ASTN2: variants seen among roughly 807,000 people sequenced by gnomAD.
The protein encoded by ASTN2 is astrotactin-2.
Under a neutral mutation model 139.8 loss-of-function variants are expected in ASTN2, and 54 were observed. The ratio of observed to expected loss-of-function variants is 0.39; its 90% CI spans 0.31 to 0.48. The LOEUF (loss-of-function observed/expected upper bound fraction) is 0.48, where lower values mean the gene tolerates loss of function less well. ASTN2 is among the 20% of genes least tolerant of loss of function. The pLI is 0.95. For synonymous variants in ASTN2, 756 were observed against 719.5 expected, an observed-to-expected ratio of 1.05 and a Z score of -0.81; for missense variants, 1,565 against 1,725.1, an observed-to-expected ratio of 0.91 and a Z score of 1.64.
chr9:116,470,893 G>C (rs544673335), intron 20 of ASTN2, among the ~76,000 whole-genome samples: 1 of 152,240 alleles, frequency 6.6e-6, no homozygotes, highest in Admixed American at 6.5e-5. Context: ...GCCTGCCATT[G>C]GTTACCTACA....
chr9:116,977,227 A>G (rs375481066), intron 7 of ASTN2, among the ~76,000 whole-genome samples: 38 of 152,358 alleles, frequency 2.5e-4, no homozygotes, highest in African/African-American at 7.5e-4. Context: ...CCATCCATAA[A>G]TCCCAAGTTA....
intron 19 of ASTN2, among the ~76,000 whole-genome samples, chr9:116,562,657 G>C (rs1352586512): frequency 2.0e-5 from 3 of 150,238 alleles, no homozygotes; most frequent in Admixed American, 2.0e-4. Context: ...CTTGAAACTG[G>C]GAGGCAGAGG....
rs1228462958 is a variant in ASTN2, at chr9:116,879,568, G to C, written c.1890-15835C>G. On this transcript the variant is annotated intron_variant, in intron 10 of 22. Transcript: ENST00000313400. ...AATACCGAATTCTTAGTTTTCATGA[G>C]AATTACATTAGATAATAAAACTTCC... is the stretch of plus-strand genomic sequence containing the variant. 5.3e-5 allele frequency among the ~76,000 whole-genome samples: 8 copies of C among 152,126 alleles called. No individual in the cohort carries two copies. The East Asian group carries it at 1.3e-3, about 26-fold the overall frequency.
At chr9:117,334,666 C>T (rs914699379) in intron 1 of ASTN2, among the ~76,000 whole-genome samples, 3 of 152,090 alleles carry the variant, frequency 2.0e-5, no homozygotes, top group Admixed American at 1.3e-4. Context: ...TCTTGGAATG[C>T]GTTTCCTAAG....
At chr9:116,434,554 T>C (rs924637678) in intron 22 of ASTN2, among the ~76,000 whole-genome samples, 7 of 152,226 alleles carry the variant, frequency 4.6e-5, no homozygotes, top group African/African-American at 1.4e-4. Flanking sequence ...GCTGACATCA[T>C]AAATACACCA....
At chr9:116,612,462 C>G (rs1391933161) in intron 19 of ASTN2, 1 of 152,064 alleles carries the variant, frequency 6.6e-6, no homozygotes, top group East Asian at 1.9e-4. Flanking sequence ...ATTGATCACA[C>G]AGTGGGAAGT....
At chr9:117,374,325 A>G (rs1221376361) in intron 1 of ASTN2, among the ~76,000 whole-genome samples, 1 of 150,102 alleles carries the variant, frequency 6.7e-6, no homozygotes, top group Admixed American at 6.7e-5. Context: ...ATTGGACACA[A>G]CCCAGGAAAA....
At chr9:117,038,826 G>T (rs1286949623) in intron 6 of ASTN2, among the ~76,000 whole-genome samples, 2 of 152,146 alleles carry the variant, frequency 1.3e-5, no homozygotes, top group Non-Finnish European at 2.9e-5. Flanking sequence ...TTTAGCAATA[G>T]ATAGTAACCA....
intron 19 of ASTN2, among the ~76,000 whole-genome samples, chr9:116,565,370 TCTCTCTCTCTCTCTCTCC>T (rs1359565970): frequency 7.1e-5 from 2 of 28,022 alleles, no homozygotes; most frequent in Non-Finnish European, 1.2e-4. Context: ...TCTCTCTCTC[TCTCTCTCTCTCTCTCTCC>T]ATATATATAT....
At chr9:116,600,509 C>T (rs2131756372) in intron 19 of ASTN2, among the ~76,000 whole-genome samples, 1 of 152,234 alleles carries the variant, frequency 6.6e-6, no homozygotes, top group Non-Finnish European at 1.5e-5. Context: ...TGACTCCACA[C>T]TTATAAGAAG....
chr9:116,626,571 G>A lies in ASTN2; in HGVS notation c.3073-6128C>T, dbSNP rs998310307. The stretch of plus-strand genomic sequence containing the variant: ...TTGAAGCCATTGAAAGGAAATTGGG[G>A]TGGGCTATGGAGGTAGAGTCCCTTT... On this transcript the variant is annotated intron_variant, in intron 17 of 22. Transcript: ENST00000313400. Among the ~76,000 whole-genome samples the A allele has an allele frequency of 2.0e-5, 3 of 152,146 alleles. No homozygotes were observed. The East Asian group carries it at 5.8e-4, about 29-fold the overall frequency.
intron 20 of ASTN2, among the ~76,000 whole-genome samples, chr9:116,447,664 G>A (rs1007779673): frequency 6.6e-6 from 1 of 152,144 alleles, no homozygotes; most frequent in African/African-American, 2.4e-5. Flanking sequence ...CCTGTACAAC[G>A]GGAATCATAA....
At chr9:116,946,346 T>A (rs1489189450) in intron 10 of ASTN2, among the ~76,000 whole-genome samples, 1 of 152,162 alleles carries the variant, frequency 6.6e-6, no homozygotes, top group Non-Finnish European at 1.5e-5. Context: ...TGCAGAGACA[T>A]CCTGTGGAAG....
intron 4 of ASTN2, among the ~76,000 whole-genome samples, chr9:117,102,358 T>C (rs1042316366): frequency 1.3e-5 from 2 of 152,132 alleles, no homozygotes; most frequent in Admixed American, 1.3e-4. Flanking sequence ...AGTAGACTAG[T>C]GGTGGCTAGG....
At chr9:117,349,379 T>C (rs1015704178) in intron 1 of ASTN2, among the ~76,000 whole-genome samples, 2 of 152,186 alleles carry the variant, frequency 1.3e-5, no homozygotes, top group Non-Finnish European at 2.9e-5. Context: ...TTAAGTTTGC[T>C]TCGAACTTGT....
At chr9:116,533,540 C>T (rs1291334115) in intron 19 of ASTN2, among the ~76,000 whole-genome samples, 2 of 152,204 alleles carry the variant, frequency 1.3e-5, no homozygotes, top group African/African-American at 4.8e-5. Flanking sequence ...GTCCCATCAA[C>T]ACCTAATTTA....
chr9:116,558,351 G>A (rs1020106807), intron 19 of ASTN2, among the ~76,000 whole-genome samples: 10 of 150,294 alleles, frequency 6.7e-5, no homozygotes, highest in African/African-American at 9.8e-5. Context: ...TGCAAGACAA[G>A]TATGGTCACT....
At chr9:117,113,586 G>A (rs908008444) in intron 4 of ASTN2, among the ~76,000 whole-genome samples, 2 of 152,146 alleles carry the variant, frequency 1.3e-5, no homozygotes, top group African/African-American at 2.4e-5. Flanking sequence ...AACACAGGAG[G>A]TGGAGGTTGC....
intron 19 of ASTN2, among the ~76,000 whole-genome samples, chr9:116,571,978 G>C (rs1380966395): frequency 6.6e-6 from 1 of 152,092 alleles, no homozygotes; most frequent in African/African-American, 2.4e-5. Flanking sequence ...GTGTATACCT[G>C]TATGGGATGG....
Sources: allele counts gnomAD v4.1 joint callset (sites outside exome capture counted in the v4.1 genomes callset), GRCh38; gene constraint gnomAD v4.1.1; transcripts MANE v1.5; gene names NCBI Gene and HGNC (gene_info 2026-07-23, HGNC 2026-07-21).